The following SGIP1 variants were observed in gnomAD, a reference collection of about 807,000 sequenced individuals.
SGIP1 encodes the protein SH3GL interacting endocytic adaptor 1, also known as SH3-containing GRB2-like protein 3-interacting protein 1.
Under a neutral mutation model 107.5 loss-of-function variants are expected in SGIP1, and 38 were observed. That is an observed-to-expected ratio of 0.35 (90% confidence interval 0.27 to 0.46). SGIP1 has a LOEUF of 0.46. Among genes scored for constraint, SGIP1 ranks in the 20% least tolerant of loss-of-function variants. The pLI is 1.00. For synonymous variants in SGIP1, 365 were observed against 366.1 expected, an observed-to-expected ratio of 1.00 and a Z score of 0.03; for missense variants, 929 against 1,019.5, an observed-to-expected ratio of 0.91 and a Z score of 1.21.
rs1364590029 is a variant in SGIP1, at chr1:66,748,339, ATCT to A, written c.*5248_*5250del. 1 of 151,992 alleles carries A rather than the reference ATCT, an allele frequency of 6.6e-6. No homozygotes were observed. The highest frequency in any genetic ancestry group is 2.4e-5 in the African/African-American group (1 of 41,436). 9.4% of individuals were successfully genotyped at this position (151,992 alleles called of 1,614,324 possible). A position where few individuals can be genotyped will look rare whatever the true frequency, so the allele number is the denominator to read the frequency against. ...TGTGTCATTGCTTCAATGTTCTGTC[ATCT>A]TCTGCAAGCTAGAGTTGCACTGCTG... On this transcript the variant is annotated 3_prime_UTR_variant, in exon 25 of 25. Transcript: ENST00000371037.
chr1:66,564,071 A>G lies in SGIP1; in HGVS notation c.10+29703A>G, dbSNP rs543825486. 6.6e-5 allele frequency among the ~76,000 whole-genome samples: 10 copies of G among 152,144 alleles called. 2 individuals are homozygous for G. Among genetic ancestry groups the G allele is most frequent in the African/African-American group, 2.4e-4 (10 of 41,540 alleles). ...CAACATTCAATAAACAAAAACTGAT[A>G]AAATTGGAGCGGCTTAGATTGAAGT... On this transcript the variant is annotated intron_variant, in intron 1 of 24. Coordinates refer to ENST00000371037, the MANE Select transcript of SGIP1 (RefSeq NM_032291.4).
chr1:66,733,981 C>A, intron 21 of SGIP1, 101 bp downstream of exon 21: 1 of 1,303,136 alleles, frequency 7.7e-7, no homozygotes, highest in Non-Finnish European at 1.0e-6. Flanking sequence ...CTTCTTTTAA[C>A]AGTATTTAAA....
At chr1:66,550,460 C>T (rs1329926858) in intron 1 of SGIP1, among the ~76,000 whole-genome samples, 1 of 151,968 alleles carries the variant, frequency 6.6e-6, no homozygotes, top group Non-Finnish European at 1.5e-5. Flanking sequence ...CATAACTGCC[C>T]CAGAACAGCC....
chr1:66,724,563 A>G (rs2093674494), intron 19 of SGIP1, among the ~76,000 whole-genome samples: 1 of 152,152 alleles, frequency 6.6e-6, no homozygotes, highest in Admixed American at 6.6e-5. Flanking sequence ...CTTACACAGG[A>G]CTACGTGGAC....
At position 66,746,186 on chromosome 1, in the gene SGIP1, C is replaced by T. The variant is rs2094550567; in HGVS notation, c.*3091C>T. ...AGCAGATAACTATAATACCTTGGCT[C>T]TGCCACTGACTCCTGCCGTATGATA... On this transcript the variant is annotated 3_prime_UTR_variant, in exon 25 of 25. Coordinates refer to ENST00000371037, the MANE Select transcript of SGIP1 (RefSeq NM_032291.4). 1 of 152,188 alleles carries T rather than the reference C, an allele frequency of 6.6e-6. No homozygotes were observed. Among genetic ancestry groups the T allele is most frequent in the South Asian group, 2.1e-4 (1 of 4,834 alleles). 9.4% of individuals were successfully genotyped at this position (152,188 alleles called of 1,614,324 possible). A position where few individuals can be genotyped will look rare whatever the true frequency, so the allele number is the denominator to read the frequency against.
chr1:66,590,033 G>A (rs1322115532), intron 1 of SGIP1, among the ~76,000 whole-genome samples: 1 of 152,162 alleles, frequency 6.6e-6, no homozygotes. Context: ...ATTAGACTAA[G>A]ACCTCAAGTG....
intron 1 of SGIP1, among the ~76,000 whole-genome samples, chr1:66,584,197 C>A (rs971326746): frequency 6.6e-6 from 1 of 151,906 alleles, no homozygotes; most frequent in African/African-American, 2.4e-5. Context: ...TCCATATTTT[C>A]AATACCTATA....
intron 1 of SGIP1, among the ~76,000 whole-genome samples, chr1:66,606,339 T>A (rs1050030022): frequency 6.6e-6 from 1 of 152,226 alleles, no homozygotes; most frequent in Non-Finnish European, 1.5e-5. Flanking sequence ...GTAGGAACTA[T>A]GTCTGTTTCT....
chr1:66,564,070 T>C lies in SGIP1; in HGVS notation c.10+29702T>C, dbSNP rs549745833. ...TCAACATTCAATAAACAAAAACTGA[T>C]AAAATTGGAGCGGCTTAGATTGAAG... On this transcript the variant is annotated intron_variant, in intron 1 of 24. Coordinates refer to ENST00000371037, the MANE Select transcript of SGIP1 (RefSeq NM_032291.4). Among the ~76,000 whole-genome samples, 3 of 152,104 alleles carry C rather than the reference T, an allele frequency of 2.0e-5. No homozygotes were observed. In the South Asian group the frequency reaches 6.2e-4, roughly 32 times the overall value.
intron 21 of SGIP1, among the ~76,000 whole-genome samples, chr1:66,738,072 A>G (rs185118872): frequency 4.6e-5 from 7 of 152,232 alleles, no homozygotes; most frequent in Admixed American, 3.9e-4. Context: ...TCTGCTTTTG[A>G]TCTGCTTTAG....
chr1:66,608,746 G>T (rs762373261), intron 1 of SGIP1, among the ~76,000 whole-genome samples: 2 of 152,098 alleles, frequency 1.3e-5, no homozygotes, highest in African/African-American at 2.4e-5. Context: ...CAAGATTTTC[G>T]CTGACCTTAA....
chr1:66,581,155 T>A (rs940764514), intron 1 of SGIP1, among the ~76,000 whole-genome samples: 2 of 152,072 alleles, frequency 1.3e-5, no homozygotes, highest in African/African-American at 4.8e-5. Context: ...ATAATTAAAC[T>A]TCACTGTTTT....
At chr1:66,574,786 T>G (rs2060831380) in intron 1 of SGIP1, among the ~76,000 whole-genome samples, 1 of 152,164 alleles carries the variant, frequency 6.6e-6, no homozygotes. Flanking sequence ...GACATTGTAG[T>G]CTGTTGCATG....
intron 18 of SGIP1, among the ~76,000 whole-genome samples, chr1:66,712,361 A>G (rs1179314090): frequency 6.6e-6 from 1 of 152,154 alleles, no homozygotes; most frequent in Non-Finnish European, 1.5e-5. Context: ...AACATTGCAA[A>G]GTGGAAGAGA....
intron 22 of SGIP1, among the ~76,000 whole-genome samples, chr1:66,739,969 A>G (rs1489758576): frequency 1.3e-5 from 2 of 152,224 alleles, no homozygotes; most frequent in African/African-American, 4.8e-5. Flanking sequence ...TTGTTAGAAG[A>G]TCCCCACATC....
chr1:66,636,325 G>T (rs1033394615), intron 4 of SGIP1, among the ~76,000 whole-genome samples: 2 of 152,176 alleles, frequency 1.3e-5, no homozygotes, highest in African/African-American at 4.8e-5. Flanking sequence ...GAAGCCTTTG[G>T]CTATAATAGA....
chr1:66,535,013 T>C (rs533964977), intron 1 of SGIP1, among the ~76,000 whole-genome samples: 4 of 152,300 alleles, frequency 2.6e-5, no homozygotes, highest in African/African-American at 9.6e-5. Context: ...AATTTTGTGC[T>C]CCCTAAATGC....
At position 66,740,668 on chromosome 1, in the gene SGIP1, C is replaced by T; in HGVS notation, c.2245C>T (p.Gln749Ter). The T allele has an allele frequency of 6.2e-7, 1 of 1,605,720 alleles. No homozygotes were observed. Among genetic ancestry groups the T allele is most frequent in the Non-Finnish European group, 8.5e-7 (1 of 1,174,362 alleles). ...CTAATTTATTTTTAGGAATGCTGAACAACAGAGAATATTGTGGAAGATTCC... is the reference window on the plus strand; with the variant it reads ...CTAATTTATTTTTAGGAATGCTGAATAACAGAGAATATTGTGGAAGATTCC... Reference protein sequence around the residue: ...VLPPAVWNAEQQRILWKIPDI... With the variant: ...VLPPAVWNAE The change falls in exon 23 of 25, where the codon CAA becomes TAA. Residue 749 changes from glutamine (Q) to a stop codon, truncating the protein, a stop_gained. Transcript: ENST00000371037. LOFTEE classifies it high-confidence loss of function.
chr1:66,584,988 C>T (rs544449388), intron 1 of SGIP1, among the ~76,000 whole-genome samples: 12 of 152,308 alleles, frequency 7.9e-5, no homozygotes, highest in Admixed American at 7.2e-4. Context: ...ATTGTAAATT[C>T]TTACTCTTTC....
Sources: allele counts gnomAD v4.1 joint callset (sites outside exome capture counted in the v4.1 genomes callset), GRCh38; gene constraint gnomAD v4.1.1; transcripts MANE v1.5; gene names NCBI Gene and HGNC (gene_info 2026-07-23, HGNC 2026-07-21).